RIMS1: variants seen among roughly 807,000 people sequenced by gnomAD.
RIMS1 encodes the protein regulating synaptic membrane exocytosis protein 1.
Under a neutral mutation model 214.1 loss-of-function variants are expected in RIMS1, and 83 were observed. That is an observed-to-expected ratio of 0.39 (90% CI 0.32 to 0.47). The LOEUF (loss-of-function observed/expected upper bound fraction) is 0.47. RIMS1 is among the 20% of genes least tolerant of loss of function. The pLI is 0.99. For missense variants in RIMS1, 2,050 were observed against 2,161.8 expected, an observed-to-expected ratio of 0.95 and a Z score of 1.03; for synonymous variants, 793 against 786.8, an observed-to-expected ratio of 1.01 and a Z score of -0.13.
intron 4 of RIMS1, among the ~76,000 whole-genome samples, chr6:72,117,429 T>C (rs1562350176): frequency 2.0e-5 from 3 of 152,000 alleles, no homozygotes; most frequent in African/African-American, 7.2e-5. Context: ...CTTTGTTGAC[T>C]TTCTCTCTTG....
chr6:71,998,017 G>A (rs1363017122), intron 2 of RIMS1, among the ~76,000 whole-genome samples: 1 of 152,156 alleles, frequency 6.6e-6, no homozygotes, highest in East Asian at 1.9e-4. Flanking sequence ...AGCATTGCCA[G>A]TAAAAAATAT....
intron 6 of RIMS1, among the ~76,000 whole-genome samples, chr6:72,215,291 G>C (rs2055361917): frequency 1.3e-5 from 2 of 152,090 alleles, no homozygotes; most frequent in Admixed American, 1.3e-4. Flanking sequence ...CTCAAAACAT[G>C]GGAAATAAAA....
chr6:72,199,402 C>T (rs545962496), intron 6 of RIMS1, among the ~76,000 whole-genome samples: 1 of 152,158 alleles, frequency 6.6e-6, no homozygotes, highest in Admixed American at 6.5e-5. Context: ...CACATTATTG[C>T]CATTTTCTTG....
At chr6:72,004,742 T>G (rs1193769033) in intron 2 of RIMS1, among the ~76,000 whole-genome samples, 1 of 151,906 alleles carries the variant, frequency 6.6e-6, no homozygotes, top group African/African-American at 2.4e-5. Context: ...GTAAATTTGT[T>G]TGAGTTCTTT....
rs70994123 is a variant in RIMS1 at position 72,352,983 on chromosome 6, C to CTTT, written c.4366+19170_4366+19172dup. Among the ~76,000 whole-genome samples the CTTT allele has an allele frequency of 5.5e-3, 486 of 88,294 alleles. 5 individuals are homozygous for CTTT. Among genetic ancestry groups the CTTT allele is most frequent in the East Asian group, 0.015 (34 of 2,278 alleles). 57.9% of individuals were successfully genotyped at this position (88,294 alleles called of 152,430 possible). A position where few individuals can be genotyped will look rare whatever the true frequency, so the allele number is the denominator to read the frequency against. On this transcript the variant is annotated intron_variant, in intron 29 of 33. Transcript: ENST00000521978. ...CATTTGAGAGTTTACATTCTTTTTTCTTTTTTTTTTTTTTTTTTTTTTTTG... is the reference window on the plus strand; with the variant it reads ...CATTTGAGAGTTTACATTCTTTTTTCTTTTTTTTTTTTTTTTTTTTTTTTTTTG...
chr6:72,321,562 C>T (rs577092981), intron 28 of RIMS1, among the ~76,000 whole-genome samples: 70 of 152,056 alleles, frequency 4.6e-4, no homozygotes, highest in African/African-American at 1.6e-3. Flanking sequence ...CCACCCAGTT[C>T]CCAAATCAAA....
At chr6:72,398,627 T>C (rs531660965) in intron 32 of RIMS1, among the ~76,000 whole-genome samples, 1 of 145,508 alleles carries the variant, frequency 6.9e-6, no homozygotes, top group African/African-American at 2.4e-5. Context: ...TTTTGCACAC[T>C]TAGAAAGGCA....
At chr6:72,308,854 A>C (rs1592872816) in intron 27 of RIMS1, among the ~76,000 whole-genome samples, 1 of 152,264 alleles carries the variant, frequency 6.6e-6, no homozygotes, top group South Asian at 2.1e-4. Context: ...TATTTATGGT[A>C]TTATCACCTA....
At chr6:72,340,998 C>T (rs1000996784) in intron 29 of RIMS1, among the ~76,000 whole-genome samples, 4 of 152,036 alleles carry the variant, frequency 2.6e-5, no homozygotes, top group African/African-American at 9.7e-5. Context: ...AGGTCCTTCA[C>T]ATCCCTTGTA....
Position 72,313,629 on chromosome 6 carries a change from A to C in RIMS1, c.4087A>C (p.Ser1363Arg). 1 of 1,613,582 alleles carries C rather than the reference A, an allele frequency of 6.2e-7. No homozygotes were observed. The highest frequency in any genetic ancestry group is 8.5e-7 in the Non-Finnish European group (1 of 1,179,698). ...TSSASRLSST[S>R]FMSEQSERPR... ...CAGTGCCTCACGCCTCAGCAGCACAAGCTTTATGTCAGAGCAATCTGAGCG... is the reference window on the plus strand; with the variant it reads ...CAGTGCCTCACGCCTCAGCAGCACACGCTTTATGTCAGAGCAATCTGAGCG... Residue 1363 changes from serine (S) to arginine (R), a missense_variant, in exon 28 of 34, where the codon AGC becomes CGC. Physicochemically the swap from Ser to Arg is moderately radical, Grantham distance 110. Transcript: ENST00000521978.
intron 29 of RIMS1, among the ~76,000 whole-genome samples, chr6:72,338,518 C>G (rs1468909393): frequency 6.6e-6 from 1 of 152,030 alleles, no homozygotes; most frequent in Non-Finnish European, 1.5e-5. Flanking sequence ...AAACCACCAT[C>G]AGAGTGAACA....
chr6:72,110,114 A>G (rs913696866), intron 4 of RIMS1, among the ~76,000 whole-genome samples: 14 of 152,196 alleles, frequency 9.2e-5, no homozygotes, highest in African/African-American at 2.9e-4. Flanking sequence ...GCCTTGTAGT[A>G]TAGTTTGAAG....
At chr6:72,127,353 G>A (rs534893869) in intron 4 of RIMS1, among the ~76,000 whole-genome samples, 17 of 151,538 alleles carry the variant, frequency 1.1e-4, no homozygotes, top group East Asian at 5.8e-4. Context: ...TGTATATTCC[G>A]CTGAAATGTA....
intron 2 of RIMS1, among the ~76,000 whole-genome samples, chr6:72,088,934 TGAGGAGGGGAAGGA>T (rs1386127953): frequency 3.9e-5 from 5 of 129,586 alleles, no homozygotes; most frequent in African/African-American, 1.5e-4. Context: ...GAAGGAGAGG[TGAGGAGGGGAAGGA>T]AAGGAGGGGA....
At chr6:72,209,326 A>G (rs1411250047) in intron 6 of RIMS1, among the ~76,000 whole-genome samples, 1 of 152,204 alleles carries the variant, frequency 6.6e-6, no homozygotes, top group East Asian at 1.9e-4. Context: ...GCCTGTAAAT[A>G]GTGATATAAG....
At chr6:72,025,862 T>A (rs775055406) in intron 2 of RIMS1, among the ~76,000 whole-genome samples, 7 of 152,214 alleles carry the variant, frequency 4.6e-5, no homozygotes, top group Admixed American at 1.3e-4. Flanking sequence ...TGCTGGAAGA[T>A]TCGCTTCCAA....
intron 22 of RIMS1, among the ~76,000 whole-genome samples, chr6:72,269,553 C>T (rs1401312766): frequency 1.3e-5 from 2 of 152,144 alleles, no homozygotes; most frequent in African/African-American, 4.8e-5. Flanking sequence ...CCACTTCAGT[C>T]CCTTTACAGC....
chr6:72,313,768 G>A, intron 28 of RIMS1, 96 bp downstream of exon 28: 1 of 1,220,162 alleles, frequency 8.2e-7, no homozygotes, highest in East Asian at 2.6e-5. Flanking sequence ...TACAGTTTAG[G>A]TCACAGTGGG....
At chr6:71,949,683 G>T (rs1344371090) in intron 1 of RIMS1, among the ~76,000 whole-genome samples, 1 of 152,128 alleles carries the variant, frequency 6.6e-6, no homozygotes, top group Non-Finnish European at 1.5e-5. Context: ...TCATCATGTG[G>T]TATTACATAC....
Sources: allele counts gnomAD v4.1 joint callset (sites outside exome capture counted in the v4.1 genomes callset), GRCh38; gene constraint gnomAD v4.1.1; transcripts MANE v1.5; gene names NCBI Gene and HGNC (gene_info 2026-07-23, HGNC 2026-07-21).